The following ATP2B1 variants were observed in gnomAD, a reference collection of about 807,000 sequenced individuals.
ATP2B1 encodes plasma membrane calcium-transporting ATPase 1.
Under a neutral mutation model 124.2 loss-of-function variants are expected in ATP2B1, and 14 were observed. The ratio of observed to expected loss-of-function variants is 0.11; its 90% CI spans 0.07 to 0.18. ATP2B1 has a LOEUF of 0.18. Ranked by LOEUF, ATP2B1 falls within the 10% of genes least tolerant of loss-of-function variation. The probability of loss-of-function intolerance (pLI) is 1.00; values close to 1 mark genes in which losing one functional copy is unlikely to be tolerated. For missense variants in ATP2B1, 763 were observed against 1,466.1 expected (o/e 0.52, Z 7.83); for synonymous variants, 449 against 492.4 (o/e 0.91, Z 1.17).
chr12:89,609,865 A>T, intron 15 of ATP2B1, 72 bp downstream of exon 15: 1 of 1,231,182 alleles, frequency 8.1e-7, no homozygotes, highest in Non-Finnish European at 1.2e-6. Context: ...TAATTTAGTC[A>T]ACAAACAAAC....
intron 1 of ATP2B1, among the ~76,000 whole-genome samples, chr12:89,668,241 G>A (rs1887543599): frequency 6.6e-6 from 1 of 152,102 alleles, no homozygotes; most frequent in African/African-American, 2.4e-5. Context: ...CTTCCTGAGG[G>A]CAGAGCAGTA....
intron 1 of ATP2B1, among the ~76,000 whole-genome samples, chr12:89,675,677 CA>C (rs1179028399): frequency 6.6e-6 from 1 of 151,422 alleles, no homozygotes; most frequent in Non-Finnish European, 1.5e-5. Flanking sequence ...TACTACATTC[CA>C]AAAAAAAGTG....
Position 89,588,318 on chromosome 12 carries a change from A to G in ATP2B1, c.*2666T>C, listed in dbSNP as rs1281611691. ...TCTGTTATGAAAATTACCATATCAC[A>G]TATTTGTAAGATGACAAGGAGTAAC... On this transcript the variant is annotated 3_prime_UTR_variant, in exon 21 of 21. Coordinates refer to ENST00000428670, the MANE Select transcript of ATP2B1 (RefSeq NM_001366521.1). 2 of 152,648 alleles carry G rather than the reference A, an allele frequency of 1.3e-5. No individual in the cohort carries two copies. The highest frequency in any genetic ancestry group is 2.1e-4 in the South Asian group (1 of 4,838). 9.5% of individuals were successfully genotyped at this position (152,648 alleles called of 1,614,324 possible).
In ATP2B1 at chr12:89,626,316, A is replaced by G. The variant is rs191156704; in HGVS notation, c.1129+138T>C. The G allele has an allele frequency of 3.2e-4, 304 of 950,174 alleles. 1 individual carries two copies. The highest frequency in any genetic ancestry group is 3.1e-3 in the African/African-American group (186 of 60,196). 58.9% of individuals were successfully genotyped at this position (950,174 alleles called of 1,614,324 possible). On this transcript the variant is annotated intron_variant, in intron 8 of 20. Coordinates refer to ENST00000428670, the MANE Select transcript of ATP2B1 (RefSeq NM_001366521.1). Reference sequence around the variant, plus strand: ...TAACTCAAAGGGCCTGGTGCATTGTAGCTAGAACTGAAAATATTTCAAACT... The same window carrying G: ...TAACTCAAAGGGCCTGGTGCATTGTGGCTAGAACTGAAAATATTTCAAACT...
chr12:89,617,127 T>C (rs1288049275), intron 11 of ATP2B1, 88 bp from the exon 12 acceptor site: 19 of 953,526 alleles, frequency 2.0e-5, no homozygotes, highest in Non-Finnish European at 2.0e-5. Flanking sequence ...CTAGAAATCA[T>C]GGGATCTGAT....
intron 10 of ATP2B1, among the ~76,000 whole-genome samples, chr12:89,621,063 G>C (rs1047237673): frequency 6.6e-5 from 10 of 152,092 alleles, no homozygotes; most frequent in African/African-American, 2.4e-4. Context: ...GGTGGCACAA[G>C]TCTAGAATTA....
intron 10 of ATP2B1, among the ~76,000 whole-genome samples, chr12:89,620,937 T>A (rs1357503365): frequency 2.6e-5 from 4 of 152,206 alleles, no homozygotes; most frequent in Non-Finnish European, 5.9e-5. Flanking sequence ...ATATTATTTT[T>A]GTTAATGATT....
At chr12:89,695,945 C>T (rs1022124465) in intron 1 of ATP2B1, among the ~76,000 whole-genome samples, 1 of 152,146 alleles carries the variant, frequency 6.6e-6, no homozygotes, top group African/African-American at 2.4e-5. Context: ...CCCAAGCACA[C>T]TACAGTTTCT....
At chr12:89,633,163 T>C (rs901606229) in intron 5 of ATP2B1, among the ~76,000 whole-genome samples, 1 of 152,144 alleles carries the variant, frequency 6.6e-6, no homozygotes, top group African/African-American at 2.4e-5. Context: ...GCAAGGTAAG[T>C]AGAATGAGTT....
intron 20 of ATP2B1, chr12:89,594,219 A>G (rs1294267247): frequency 4.6e-5 from 7 of 152,034 alleles, no homozygotes; most frequent in Admixed American, 3.9e-4. Context: ...AAAGAACATA[A>G]GAAAGCACTC....
intron 15 of ATP2B1, among the ~76,000 whole-genome samples, chr12:89,608,713 G>A (rs968714607): frequency 1.3e-4 from 20 of 152,118 alleles, no homozygotes; most frequent in Non-Finnish European, 2.6e-4. Context: ...CTGCCTTTCT[G>A]GTCAGCTGTC....
At chr12:89,685,220 A>C (rs1023871738) in intron 1 of ATP2B1, among the ~76,000 whole-genome samples, 3 of 152,032 alleles carry the variant, frequency 2.0e-5, no homozygotes, top group Non-Finnish European at 4.4e-5. Context: ...AATAAAGCCT[A>C]GAGTCATTTT....
At chr12:89,646,132 G>C (rs58202713) in intron 2 of ATP2B1, among the ~76,000 whole-genome samples, 1 of 152,140 alleles carries the variant, frequency 6.6e-6, no homozygotes, top group African/African-American at 2.4e-5. Flanking sequence ...GCACTTAAGT[G>C]GGTGGATGGT....
At chr12:89,621,516 A>AT (rs1252776625) in intron 10 of ATP2B1, 33 bp downstream of exon 10, 1 of 1,421,334 alleles carries the variant, frequency 7.0e-7, no homozygotes, top group Non-Finnish European at 9.5e-7. Flanking sequence ...AGATTTAAAA[A>AT]TTAATTTTCA....
chr12:89,597,207 A>C (rs1874785488), intron 20 of ATP2B1, among the ~76,000 whole-genome samples: 1 of 152,146 alleles, frequency 6.6e-6, no homozygotes, highest in African/African-American at 2.4e-5. Context: ...GCATAGTTTG[A>C]AATCCACAGA....
At chr12:89,678,732 CAA>C (rs1412667956) in intron 1 of ATP2B1, among the ~76,000 whole-genome samples, 1 of 151,326 alleles carries the variant, frequency 6.6e-6, no homozygotes, top group African/African-American at 2.4e-5. Context: ...TTCAGCCATG[CAA>C]AAGTCAAAAT....
intron 1 of ATP2B1, among the ~76,000 whole-genome samples, chr12:89,677,139 G>C (rs1888711315): frequency 6.6e-6 from 1 of 152,084 alleles, no homozygotes; most frequent in Non-Finnish European, 1.5e-5. Context: ...GGATACACAA[G>C]GATCAGCAGA....
At chr12:89,700,183 A>G (rs928541290) in intron 1 of ATP2B1, among the ~76,000 whole-genome samples, 3 of 152,032 alleles carry the variant, frequency 2.0e-5, no homozygotes, top group African/African-American at 7.2e-5. Flanking sequence ...CTTTACCCTA[A>G]ATCCACTGTG....
chr12:89,642,456 C>CA lies in ATP2B1; in HGVS notation c.209-102dup, dbSNP rs1883697800. Reference sequence around the variant, plus strand: ...CTCAACTCATCACTCTAGACCCTACCAAAATGTTTACTTTCATGCTTTAAG... The same window carrying CA: ...CTCAACTCATCACTCTAGACCCTACCAAAAATGTTTACTTTCATGCTTTAAG... On this transcript the variant is annotated intron_variant, in intron 2 of 20. Coordinates refer to ENST00000428670, the MANE Select transcript of ATP2B1 (RefSeq NM_001366521.1). 57 of 1,124,552 alleles carry CA rather than the reference C, an allele frequency of 5.1e-5. No homozygotes were observed. The South Asian group carries it at 8.3e-4, about 16-fold the overall frequency. 69.7% of individuals were successfully genotyped at this position (1,124,552 alleles called of 1,614,324 possible).
Sources: gnomAD v4.1 joint callset for allele counts (sites outside exome capture counted in the v4.1 genomes callset) on GRCh38, gnomAD v4.1.1 for gene constraint, MANE v1.5 for transcripts, NCBI Gene and HGNC (gene_info 2026-07-23, HGNC 2026-07-21) for gene names.